Variants in MB21D2 observed in about 807,000 individuals in gnomAD.
MB21D2 encodes nucleotidyltransferase MB21D2.
Under a neutral mutation model 33.3 loss-of-function variants are expected in MB21D2, and 9 were observed. The observed-to-expected ratio is 0.27, with a 90% confidence interval of 0.16 to 0.47. MB21D2 has a LOEUF of 0.47. Ranked by LOEUF, MB21D2 falls within the 20% of genes least tolerant of loss-of-function variation. The pLI is 0.99. For synonymous variants in MB21D2, 241 were observed against 236.3 expected, an observed-to-expected ratio of 1.02 and a Z score of -0.18; for missense variants, 540 against 624.6, an observed-to-expected ratio of 0.86 and a Z score of 1.44.
At chr3:192,883,483 T>C (rs73888005) in intron 1 of MB21D2, among the ~76,000 whole-genome samples, 3,974 of 152,242 alleles carry the variant, frequency 0.026, 201 homozygotes, top group African/African-American at 0.092. Flanking sequence ...CTATTGACAG[T>C]GGCTGAAGCG....
Position 192,869,670 on chromosome 3 carries a change from C to T in MB21D2, c.211+47960G>A, listed in dbSNP as rs138338586. 1.1e-3 allele frequency among the ~76,000 whole-genome samples: 163 copies of T among 152,290 alleles called. 2 individuals are homozygous for T. The East Asian group carries it at 0.024, about 23-fold the overall frequency. ...GGTTCTGAAAACCCCCCTTTCTCCTCCCCATAAAAAGCCACTTGACCTCAC... is the reference window on the plus strand; with the variant it reads ...GGTTCTGAAAACCCCCCTTTCTCCTTCCCATAAAAAGCCACTTGACCTCAC... On this transcript the variant is annotated intron_variant, in intron 1 of 1. Transcript: ENST00000392452.
At chr3:192,912,395 A>C (rs1293601556) in intron 1 of MB21D2, among the ~76,000 whole-genome samples, 2 of 152,206 alleles carry the variant, frequency 1.3e-5, no homozygotes, top group Non-Finnish European at 1.5e-5. Context: ...CAGGCGGGGC[A>C]TGGTGGCTTA....
chr3:192,886,929 T>G (rs1713744804), intron 1 of MB21D2, among the ~76,000 whole-genome samples: 1 of 151,982 alleles, frequency 6.6e-6, no homozygotes, highest in African/African-American at 2.4e-5. Flanking sequence ...TTTCTGAAAT[T>G]AGAAGACTGG....
Position 192,799,653 on chromosome 3 carries a change from G to A in MB21D2, c.212-3C>T, listed in dbSNP as rs200602520. On this transcript the variant is annotated splice_polypyrimidine_tract_variant and splice_region_variant and intron_variant, in intron 1 of 1. Transcript: ENST00000392452. This position sits in a 1 kb window ranked among gnomAD's most constrained non-coding sequence, Gnocchi z 4.1. ...TTGGTCCAGCTTTTGCACCATTCCT[G>A]GAAATAAAGAAGAAAAAAACAACAC... 154 of 1,607,232 alleles carry A rather than the reference G, an allele frequency of 9.6e-5. 2 individuals carry two copies. In the Admixed American group the frequency reaches 2.6e-3, roughly 27 times the overall value.
Position 192,798,682 on chromosome 3 carries a change from T to A in MB21D2, c.1180A>T (p.Met394Leu), listed in dbSNP as rs1338327641. 1.9e-6 allele frequency: 3 copies of A among 1,613,412 alleles called. No individual in the cohort carries two copies. The highest frequency in any genetic ancestry group is 1.7e-6 in the Non-Finnish European group (2 of 1,180,022). ...MLEHLSEETV[M>L]LHARKLSSVR... ...GAGGACAGCTTCCGGGCGTGAAGCA[T>A]GACTGTCTCCTCAGACAGATGTTCC... Residue 394 changes from methionine to leucine, a missense_variant, in exon 2 of 2, where the codon ATG becomes TTG. Physicochemically the swap from Met to Leu is conservative, Grantham distance 15 (BLOSUM62 2). Transcript: ENST00000392452. This position sits in a 1 kb window ranked among gnomAD's most constrained non-coding sequence, Gnocchi z 4.8.
At position 192,849,711 on chromosome 3, in the gene MB21D2, T is replaced by TA. The variant is rs539726099; in HGVS notation, c.212-50062dup. Among the ~76,000 whole-genome samples, 485 of 152,166 alleles carry TA rather than the reference T, an allele frequency of 3.2e-3. 6 individuals are homozygous for TA. Among genetic ancestry groups the TA allele is most frequent in the African/African-American group, 9.5e-3 (395 of 41,540 alleles). ...TTTTCATGACACTTATTCTATTAAA[T>TA]AAAAAAAACTATATTTATTTATGTC... On this transcript the variant is annotated intron_variant, in intron 1 of 1. Coordinates refer to ENST00000392452, the MANE Select transcript of MB21D2 (RefSeq NM_178496.4).
chr3:192,849,003 T>C (rs1712730004), intron 1 of MB21D2, among the ~76,000 whole-genome samples: 1 of 152,144 alleles, frequency 6.6e-6, no homozygotes, highest in South Asian at 2.1e-4. Context: ...GAACTTTTTA[T>C]TTCTTGGGCT....
At chr3:192,827,602 A>C (rs1712204454) in intron 1 of MB21D2, among the ~76,000 whole-genome samples, 1 of 152,256 alleles carries the variant, frequency 6.6e-6, no homozygotes, top group Non-Finnish European at 1.5e-5. Context: ...GTGGCTACTC[A>C]GGGGCATGAA....
chr3:192,816,786 C>T (rs58091353), intron 1 of MB21D2, among the ~76,000 whole-genome samples: 17 of 151,896 alleles, frequency 1.1e-4, no homozygotes, highest in East Asian at 1.9e-4. Context: ...GATACAGGCA[C>T]GCTTGAATGT....
chr3:192,817,084 A>G (rs1260763998), intron 1 of MB21D2, among the ~76,000 whole-genome samples: 1 of 152,218 alleles, frequency 6.6e-6, no homozygotes, highest in Non-Finnish European at 1.5e-5. Flanking sequence ...GTGACTTTTA[A>G]AAATAAATAT....
intron 1 of MB21D2, among the ~76,000 whole-genome samples, chr3:192,822,344 A>G (rs112133392): frequency 7.9e-5 from 12 of 152,318 alleles, no homozygotes; most frequent in African/African-American, 2.4e-4. Context: ...ATAAGATTCA[A>G]CAGAAAAGGT....
At chr3:192,807,205 G>A (rs1173323127) in intron 1 of MB21D2, among the ~76,000 whole-genome samples, 1 of 151,974 alleles carries the variant, frequency 6.6e-6, no homozygotes, top group East Asian at 1.9e-4. Flanking sequence ...AGAACTTACT[G>A]GCAAGACCCA....
chr3:192,879,678 T>C (rs1713518233), intron 1 of MB21D2, among the ~76,000 whole-genome samples: 1 of 152,252 alleles, frequency 6.6e-6, no homozygotes, highest in African/African-American at 2.4e-5. Context: ...AAAATCTCTC[T>C]TAATCAACTT....
intron 1 of MB21D2, among the ~76,000 whole-genome samples, chr3:192,875,043 T>C (rs1376063312): frequency 6.6e-6 from 1 of 152,058 alleles, no homozygotes; most frequent in Non-Finnish European, 1.5e-5. Flanking sequence ...CTCTTCTATT[T>C]ATCCTAATTT....
At chr3:192,860,948 G>A (rs552992924) in intron 1 of MB21D2, among the ~76,000 whole-genome samples, 1 of 152,232 alleles carries the variant, frequency 6.6e-6, no homozygotes, top group Non-Finnish European at 1.5e-5. Context: ...AAGTGCTAGA[G>A]TAGTTTAAAA....
intron 1 of MB21D2, among the ~76,000 whole-genome samples, chr3:192,803,391 T>C (rs1284034389): frequency 6.6e-6 from 1 of 152,206 alleles, no homozygotes; most frequent in Non-Finnish European, 1.5e-5. Context: ...AGCCCTTTAG[T>C]AGCAGAAAGA....
chr3:192,829,037 C>T (rs150844194), intron 1 of MB21D2, among the ~76,000 whole-genome samples: 196 of 152,216 alleles, frequency 1.3e-3, no homozygotes, highest in African/African-American at 4.4e-3. Flanking sequence ...AGAATATTTC[C>T]ATCACCCCAA....
intron 1 of MB21D2, among the ~76,000 whole-genome samples, chr3:192,828,871 A>G (rs4284933): frequency 0.64 from 95,501 of 150,162 alleles, 32,436 homozygotes; most frequent in African/African-American, 0.88. Flanking sequence ...GGATGATCTC[A>G]ATCTCCTGAC....
chr3:192,869,661 C>G (rs6803473), intron 1 of MB21D2, among the ~76,000 whole-genome samples: 90,059 of 152,058 alleles, frequency 0.59, 28,090 homozygotes, highest in African/African-American at 0.78. Flanking sequence ...GAAAACCCCC[C>G]TTTCTCCTCC....
Sources: allele counts gnomAD v4.1 joint callset (sites outside exome capture counted in the v4.1 genomes callset), GRCh38; gene constraint gnomAD v4.1.1; non-coding constraint Gnocchi (gnomAD v3.1); transcripts MANE v1.5; gene names NCBI Gene and HGNC (gene_info 2026-07-23, HGNC 2026-07-21).